ATP10A: variants seen among roughly 807,000 people sequenced by gnomAD.
ATP10A encodes ATPase phospholipid transporting 10A (putative).
In ATP10A, 111 loss-of-function variants were observed where a neutral mutation model predicts 147.8. The ratio of observed to expected loss-of-function variants is 0.75; its 90% CI spans 0.64 to 0.88. The LOEUF is 0.88. ATP10A is among the 40% of genes least tolerant of loss of function. The probability of loss-of-function intolerance (pLI) is 0.00; values close to 1 mark genes in which losing one functional copy is unlikely to be tolerated. For synonymous variants in ATP10A, 875 were observed against 841.6 expected (o/e 1.04, Z -0.69); for missense variants, 1,927 against 1,959.0 (o/e 0.98, Z 0.31).
intron 1 of ATP10A, among the ~76,000 whole-genome samples, chr15:25,788,773 C>G (rs1178815222): frequency 6.6e-6 from 1 of 152,110 alleles, no homozygotes; most frequent in Non-Finnish European, 1.5e-5. Flanking sequence ...GACAGTACTG[C>G]TTGAGGTGCG....
At chr15:25,678,147 G>A (rs1899176953), downstream of ATP10A, 2 of 151,894 alleles carry the variant, frequency 1.3e-5, no homozygotes, top group African/African-American at 4.8e-5. Context: ...ACTGGAATGA[G>A]GTGCATTTTC....
intron 1 of ATP10A, among the ~76,000 whole-genome samples, chr15:25,852,878 T>C (rs1353523708): frequency 2.0e-5 from 3 of 152,204 alleles, no homozygotes; most frequent in Non-Finnish European, 4.4e-5. Flanking sequence ...GCAATCATTC[T>C]CCCACAGTTC....
chr15:25,857,736 G>A (rs1316888220), intron 1 of ATP10A, among the ~76,000 whole-genome samples: 1 of 152,180 alleles, frequency 6.6e-6, no homozygotes, highest in African/African-American at 2.4e-5. Context: ...AAAGAGGCCT[G>A]TTGTTCTTGG....
chr15:25,777,202 CCCT>C (rs533490828), intron 2 of ATP10A, among the ~76,000 whole-genome samples: 75 of 146,974 alleles, frequency 5.1e-4, no homozygotes, highest in Admixed American at 2.4e-3. Context: ...GTCCGGGGTA[CCCT>C]GGACATATTC....
At chr15:25,803,579 G>T (rs537378848) in intron 1 of ATP10A, among the ~76,000 whole-genome samples, 19 of 152,174 alleles carry the variant, frequency 1.2e-4, no homozygotes, top group Non-Finnish European at 2.8e-4. Flanking sequence ...AGCCTCAAGT[G>T]GGCCAGTCCT....
intron 2 of ATP10A, among the ~76,000 whole-genome samples, chr15:25,770,527 C>T (rs945942551): frequency 1.3e-5 from 2 of 152,198 alleles, no homozygotes; most frequent in African/African-American, 4.8e-5. Flanking sequence ...CTCACACAGG[C>T]AAGTGCCCAG....
At chr15:25,777,504 C>G (rs906224130) in intron 2 of ATP10A, among the ~76,000 whole-genome samples, 1 of 152,094 alleles carries the variant, frequency 6.6e-6, no homozygotes, top group African/African-American at 2.4e-5. Context: ...AGGCTGTGCC[C>G]CCTGCCATGG....
At chr15:25,818,124 G>T (rs1291690350) in intron 1 of ATP10A, among the ~76,000 whole-genome samples, 1 of 151,462 alleles carries the variant, frequency 6.6e-6, no homozygotes, top group African/African-American at 2.4e-5. Context: ...AAACATCTGG[G>T]ATATAAATTC....
rs1888677572 is a variant in ATP10A at position 25,760,105 on chromosome 15, A to G, written c.654+20914T>C. Reference sequence around the variant, plus strand: ...CCTCAGCCTCCCTGAGTAGCTATGTAATTTAAACCTTGGATATTTGACAAA... The same window carrying G: ...CCTCAGCCTCCCTGAGTAGCTATGTGATTTAAACCTTGGATATTTGACAAA... On this transcript the variant is annotated intron_variant, in intron 2 of 20. Transcript: ENST00000555815. Among the ~76,000 whole-genome samples the G allele has an allele frequency of 2.6e-5, 4 of 152,068 alleles. No homozygotes were observed. In the South Asian group the frequency reaches 8.3e-4, roughly 32 times the overall value.
intron 1 of ATP10A, among the ~76,000 whole-genome samples, chr15:25,807,325 C>A (rs1303033492): frequency 1.3e-5 from 2 of 152,216 alleles, no homozygotes; most frequent in Non-Finnish European, 2.9e-5. Context: ...CACCCTTCTG[C>A]GGCTAGGGGC....
intron 2 of ATP10A, among the ~76,000 whole-genome samples, chr15:25,747,273 G>A (rs1388539150): frequency 8.0e-6 from 1 of 124,466 alleles, no homozygotes; most frequent in Non-Finnish European, 1.6e-5. Flanking sequence ...GGCAACAAGA[G>A]CAAAACTCCA....
At chr15:25,771,187 A>T (rs12442444) in intron 2 of ATP10A, among the ~76,000 whole-genome samples, 1 of 151,880 alleles carries the variant, frequency 6.6e-6, no homozygotes, top group African/African-American at 2.4e-5. Context: ...TTCCCCACTG[A>T]GGTTAACAGG....
intron 14 of ATP10A, among the ~76,000 whole-genome samples, chr15:25,693,613 G>A (rs998420076): frequency 2.6e-5 from 4 of 152,310 alleles, no homozygotes; most frequent in South Asian, 4.1e-4. Context: ...CCTGAAGACC[G>A]TTTCCAGCTC....
At chr15:25,851,809 G>A (rs533928423) in intron 1 of ATP10A, among the ~76,000 whole-genome samples, 4 of 152,198 alleles carry the variant, frequency 2.6e-5, no homozygotes, top group Middle Eastern at 3.4e-3. Context: ...GGCCAGGTGC[G>A]GTCTCAGTAT....
chr15:25,678,089 C>T (rs1323568564), downstream of ATP10A: 2 of 152,068 alleles, frequency 1.3e-5, no homozygotes, highest in Non-Finnish European at 2.9e-5. Flanking sequence ...TGAGTCCAGG[C>T]ACCCTCTCTT....
intron 1 of ATP10A, among the ~76,000 whole-genome samples, chr15:25,830,964 GC>G (rs1394299559): frequency 2.0e-5 from 3 of 152,176 alleles, no homozygotes; most frequent in African/African-American, 7.2e-5. Flanking sequence ...CAGAGCTTTG[GC>G]TGTGCCGGGC....
chr15:25,726,730 A>T (rs1902579504), intron 4 of ATP10A, among the ~76,000 whole-genome samples: 1 of 150,306 alleles, frequency 6.7e-6, no homozygotes, highest in Non-Finnish European at 1.5e-5. Flanking sequence ...GGCGTGAGTC[A>T]CCACATCCAG....
At chr15:25,727,767 T>A (rs1902671437) in intron 3 of ATP10A, among the ~76,000 whole-genome samples, 1 of 152,266 alleles carries the variant, frequency 6.6e-6, no homozygotes, top group African/African-American at 2.4e-5. Context: ...GAAGTATTAA[T>A]ATATGTGGTC....
Position 25,683,340 on chromosome 15 carries a change from T to G in ATP10A, c.3438A>C (p.Pro1146=). 6.2e-7 allele frequency: 1 copy of G among 1,614,124 alleles called. No individual in the cohort carries two copies. The highest frequency in any genetic ancestry group is 8.5e-7 in the Non-Finnish European group (1 of 1,180,026). ...GCGGGTTGGTCAGCAGCACATTGGC[T>G]GGCACATCCCTGTCCAGCACCCCAG... is the stretch of plus-strand genomic sequence containing the variant. ...LVTGVLDRDV[P]ANVLLTNPQL... is the part of the protein sequence containing the mutation. Residue 1146 remains proline, a synonymous_variant, in exon 17 of 21, where the codon CCA becomes CCC. Transcript: ENST00000555815.
Sources: allele counts gnomAD v4.1 joint callset (sites outside exome capture counted in the v4.1 genomes callset), GRCh38; gene constraint gnomAD v4.1.1; transcripts MANE v1.5; gene names NCBI Gene and HGNC (gene_info 2026-07-23, HGNC 2026-07-21).